The following ST7 variants were observed in gnomAD, a reference collection of about 807,000 sequenced individuals.
ST7 encodes the protein suppressor of tumorigenicity 7 protein.
Under a neutral mutation model 78.7 loss-of-function variants are expected in ST7, and 28 were observed. The observed-to-expected ratio is 0.36, with a 90% CI of 0.26 to 0.49. ST7 has a LOEUF of 0.49. Ranked by LOEUF, ST7 falls within the 20% of genes least tolerant of loss-of-function variation. The pLI is 0.99. For missense variants in ST7, 418 were observed against 696.0 expected (o/e 0.60, Z 4.49); for synonymous variants, 247 against 249.6 (o/e 0.99, Z 0.10).
chr7:117,228,384 C>T (rs955263003), intron 15 of ST7, among the ~76,000 whole-genome samples: 1 of 152,192 alleles, frequency 6.6e-6, no homozygotes, highest in African/African-American at 2.4e-5. Context: ...TTTTGAACTA[C>T]ACCCCTTTAT....
At chr7:117,211,733 C>G (rs1317735988) in intron 13 of ST7, among the ~76,000 whole-genome samples, 1 of 152,140 alleles carries the variant, frequency 6.6e-6, no homozygotes, top group Non-Finnish European at 1.5e-5. Context: ...ACTGGAAACT[C>G]TCTTTGGAAA....
chr7:117,020,502 C>T (rs979850530), intron 1 of ST7: 23 of 1,379,086 alleles, frequency 1.7e-5, no homozygotes, highest in South Asian at 1.1e-4. Context: ...TGCTGTGTAG[C>T]CGGCTCATCT....
At chr7:117,031,833 T>TG (rs1186668533) in intron 1 of ST7, among the ~76,000 whole-genome samples, 4,909 of 96,364 alleles carry the variant, frequency 0.051, 443 homozygotes, top group East Asian at 0.33. Flanking sequence ...TATATCTATA[T>TG]CTATATCTAT....
intron 1 of ST7, chr7:116,954,206 C>G (rs549719276): frequency 3.7e-4 from 56 of 151,782 alleles, no homozygotes; most frequent in Admixed American, 3.6e-3. Flanking sequence ...GGCGGCGAAG[C>G]CCCCTGACCC....
At chr7:117,225,964 G>A (rs996012622) in intron 15 of ST7, among the ~76,000 whole-genome samples, 2 of 152,070 alleles carry the variant, frequency 1.3e-5, no homozygotes, top group African/African-American at 4.8e-5. Flanking sequence ...ATATAAATAC[G>A]TTATCATTCC....
chr7:117,108,395 G>A (rs1231552002), intron 2 of ST7, among the ~76,000 whole-genome samples: 3 of 152,036 alleles, frequency 2.0e-5, no homozygotes, highest in Admixed American at 6.5e-5. Context: ...AAGATCAGTC[G>A]ACTGTAAGTA....
chr7:117,112,073 C>CATATATCTATATACATATAGATATGTAT (rs1802473629), intron 2 of ST7, among the ~76,000 whole-genome samples: 1 of 151,068 alleles, frequency 6.6e-6, no homozygotes, highest in Admixed American at 6.6e-5. Flanking sequence ...TATAGATATA[C>CATATATCTATATACATATAGATATGTAT]ATATATGTAC....
At chr7:116,987,394 A>C (rs1794233768) in intron 1 of ST7, among the ~76,000 whole-genome samples, 1 of 152,184 alleles carries the variant, frequency 6.6e-6, no homozygotes, top group Admixed American at 6.5e-5. Context: ...CTGCTGTGGC[A>C]TCACTGGCTT....
At chr7:117,166,273 A>ATATAATT (rs1554443849) in intron 9 of ST7, among the ~76,000 whole-genome samples, 1 of 152,026 alleles carries the variant, frequency 6.6e-6, no homozygotes, top group East Asian at 1.9e-4. Context: ...TTATTACAAA[A>ATATAATT]TATAGTTTGT....
chr7:117,156,308 G>A (rs1487560869), intron 9 of ST7, among the ~76,000 whole-genome samples: 1 of 152,110 alleles, frequency 6.6e-6, no homozygotes, highest in Non-Finnish European at 1.5e-5. Context: ...AAAAAGAAAT[G>A]GTATAATCAA....
At chr7:117,098,494 C>T (rs1165573879) in intron 1 of ST7, 1 of 198,538 alleles carries the variant, frequency 5.0e-6, no homozygotes, top group East Asian at 1.6e-4. Flanking sequence ...CCAATCTATG[C>T]ACTTATGTAA....
chr7:117,167,771 G>C (rs1304857860), intron 9 of ST7, among the ~76,000 whole-genome samples: 1 of 152,110 alleles, frequency 6.6e-6, no homozygotes, highest in Non-Finnish European at 1.5e-5. Flanking sequence ...AGAAGAGAAT[G>C]CTGTTGAAGA....
In ST7 at chr7:116,953,615, C is replaced by G; in HGVS notation, c.75C>G (p.Thr25=). The G allele has an allele frequency of 6.6e-7, 1 of 1,512,364 alleles. No individual in the cohort carries two copies. The highest frequency in any genetic ancestry group is 8.9e-7 in the Non-Finnish European group (1 of 1,118,684). 93.7% of individuals were successfully genotyped at this position (1,512,364 alleles called of 1,614,324 possible). Residue 25 remains threonine (T), a synonymous_variant, in exon 1 of 16, where the codon ACC becomes ACG. Coordinates refer to ENST00000323984, the MANE Select transcript of ST7 (RefSeq NM_001369598.1). ...TTTGGTCTTGGACGTATCTGTGGAC[C>G]GTGTGGTTCTTCATCGTGCTATTCC... The part of the protein sequence containing the change: ...CIVWSWTYLW[T]VWFFIVLFLV...
intron 12 of ST7, among the ~76,000 whole-genome samples, chr7:117,204,777 G>A (rs1476572218): frequency 6.6e-6 from 1 of 152,102 alleles, no homozygotes; most frequent in African/African-American, 2.4e-5. Flanking sequence ...AAAAAAATTT[G>A]CTATCTCCAG....
chr7:117,004,397 G>A (rs756022103), intron 1 of ST7, among the ~76,000 whole-genome samples: 6 of 152,210 alleles, frequency 3.9e-5, no homozygotes, highest in Non-Finnish European at 8.8e-5. Flanking sequence ...TCAACAATTC[G>A]GAAATATGCT....
intron 1 of ST7, among the ~76,000 whole-genome samples, chr7:116,985,923 C>G (rs1794170105): frequency 6.6e-6 from 1 of 152,194 alleles, no homozygotes; most frequent in Non-Finnish European, 1.5e-5. Context: ...ACCTCCGCCT[C>G]CCAGGTTCAA....
chr7:117,115,428 C>G (rs768465047), intron 2 of ST7, among the ~76,000 whole-genome samples: 4 of 150,416 alleles, frequency 2.7e-5, no homozygotes, highest in Non-Finnish European at 4.4e-5. Flanking sequence ...GATCTCAGCT[C>G]ATTGCAACTT....
At chr7:117,065,017 C>T (rs969190351) in intron 1 of ST7, among the ~76,000 whole-genome samples, 1 of 152,162 alleles carries the variant, frequency 6.6e-6, no homozygotes, top group East Asian at 1.9e-4. Context: ...CTTATAAGCA[C>T]ACTGCCTGCA....
intron 1 of ST7, among the ~76,000 whole-genome samples, chr7:117,058,443 G>A (rs905412887): frequency 6.6e-6 from 1 of 151,990 alleles, no homozygotes; most frequent in Non-Finnish European, 1.5e-5. Context: ...TTTTCTATTG[G>A]TTGTTATGGA....
Sources: allele counts gnomAD v4.1 joint callset (sites outside exome capture counted in the v4.1 genomes callset), GRCh38; gene constraint gnomAD v4.1.1; transcripts MANE v1.5; gene names NCBI Gene and HGNC (gene_info 2026-07-23, HGNC 2026-07-21).